SLC9A6: variants seen among roughly 807,000 people sequenced by gnomAD.
The protein encoded by SLC9A6 is solute carrier family 9 member A6.
SLC9A6 carries 6 observed loss-of-function variants against 45.3 expected under a neutral mutation model. The observed-to-expected ratio is 0.13, with a 90% CI of 0.07 to 0.26. The LOEUF (loss-of-function observed/expected upper bound fraction) is 0.26, where lower values mean the gene tolerates loss of function less well. SLC9A6 is among the 10% of genes least tolerant of loss of function. The probability of loss-of-function intolerance (pLI) is 1.00; values close to 1 mark genes in which losing one functional copy is unlikely to be tolerated. For synonymous variants in SLC9A6, 191 were observed against 187.7 expected, an observed-to-expected ratio of 1.02 and a Z score of -0.14; for missense variants, 278 against 503.7, an observed-to-expected ratio of 0.55 and a Z score of 4.29.
chrX:136,008,085 A>C (rs1290258319), intron 7 of SLC9A6, among the ~76,000 whole-genome samples: 1 of 112,222 alleles, frequency 8.9e-6, no homozygotes, highest in African/African-American at 3.2e-5. Context: ...AAATATATAA[A>C]AAGCAAGAAG....
chrX:135,977,455 C>T (rs373429786), intron 1 of SLC9A6, among the ~76,000 whole-genome samples: 1 of 112,051 alleles, frequency 8.9e-6, no homozygotes, highest in South Asian at 3.7e-4. Context: ...TGCTTATCCA[C>T]GTCTCCATTT....
intron 15 of SLC9A6, among the ~76,000 whole-genome samples, chrX:136,032,198 G>A (rs899529616): frequency 8.9e-6 from 1 of 112,276 alleles, no homozygotes; most frequent in Non-Finnish European, 1.9e-5. Flanking sequence ...CTTCCAGGTA[G>A]CTGAGACTAT....
chrX:136,008,017 A>G (rs2089683303), intron 7 of SLC9A6, among the ~76,000 whole-genome samples: 1 of 111,760 alleles, frequency 8.9e-6, no homozygotes, highest in South Asian at 3.7e-4. Context: ...AACATGTAAA[A>G]TGAGCCATAG....
At position 136,033,431 on chromosome X, in the gene SLC9A6, AAGG is replaced by A. The variant is rs1569525651; in HGVS notation, c.1602_1604del (p.Arg535del). On this transcript the variant is annotated inframe_deletion, in exon 16 of 18. Transcript: ENST00000630721. Reference sequence around the variant, plus strand: ...ATCTGCAGGGTGTTCCTGAAAATGAAAGGAGAACTACCAAAGCAGAGAGTGCTT... The same window carrying A: ...ATCTGCAGGGTGTTCCTGAAAATGAAAGAACTACCAAAGCAGAGAGTGCTT... 8.5e-7 allele frequency: 1 copy of A among 1,178,418 alleles called. No homozygotes were observed. Among genetic ancestry groups the A allele is most frequent in the Admixed American group, 2.2e-5 (1 of 45,404 alleles).
At position 136,033,510 on chromosome X, in the gene SLC9A6, G is replaced by GAA. The variant is rs376371956; in HGVS notation, c.1661+27_1661+28dup. The GAA allele has an allele frequency of 9.2e-5, 75 of 813,819 alleles. No individual in the cohort carries two copies. Among genetic ancestry groups the GAA allele is most frequent in the Non-Finnish European group, 9.8e-5 (57 of 584,029 alleles). The allele number at this position is 813,819 out of a possible 1,213,427, so 67.1% of individuals were successfully genotyped here. On this transcript the variant is annotated intron_variant, in intron 16 of 17. Coordinates refer to ENST00000630721, the MANE Select transcript of SLC9A6 (RefSeq NM_001379110.1). ...TGATCATAAGTATCCTTAATTGAGG[G>GAA]AAAAAAAAAAAGGATAATGTGGACA...
At chrX:136,039,241 G>T (rs1223913486) in intron 16 of SLC9A6, among the ~76,000 whole-genome samples, 1 of 107,513 alleles carries the variant, frequency 9.3e-6, no homozygotes, top group Non-Finnish European at 1.9e-5. Flanking sequence ...ATTGTGGCAC[G>T]TACCTGCTAT....
intron 16 of SLC9A6, 145 bp from the exon 17 acceptor site, chrX:136,039,931 T>C: frequency 1.9e-6 from 1 of 515,631 alleles, no homozygotes; most frequent in Non-Finnish European, 3.5e-6. Flanking sequence ...ACTGCCATCA[T>C]GTGAGGAGGA....
At chrX:136,017,961 C>T (rs782398575) in intron 11 of SLC9A6, among the ~76,000 whole-genome samples, 10 of 111,732 alleles carry the variant, frequency 8.9e-5, no homozygotes, top group South Asian at 3.7e-4. Context: ...CTATTCTTCA[C>T]GTGGATATCT....
chrX:136,044,574 T>A lies in SLC9A6; in HGVS notation c.1890T>A (p.Phe630Leu). 1 of 1,211,544 alleles carries A rather than the reference T, an allele frequency of 8.3e-7. No individual in the cohort carries two copies. Among genetic ancestry groups the A allele is most frequent in the Non-Finnish European group, 1.1e-6 (1 of 895,422 alleles). ...CCACATCCAGCGCCCCAAGGAGATT[T>A]ATGGGAAACAGTTCTGAAGATGCCT... ...EPATSSAPRR[F>L]MGNSSEDALD... The change falls in exon 18 of 18, where the codon TTT becomes TTA. Residue 630 changes from phenylalanine (F) to leucine (L), a missense_variant. Coordinates refer to ENST00000630721, the MANE Select transcript of SLC9A6 (RefSeq NM_001379110.1).
intron 1 of SLC9A6, among the ~76,000 whole-genome samples, chrX:135,975,673 G>C (rs1194553254): frequency 8.9e-6 from 1 of 112,037 alleles, no homozygotes; most frequent in Admixed American, 9.5e-5. Context: ...CTATTTGAAA[G>C]GATCTCTACA....
chrX:136,041,355 T>C (rs1352248097), intron 17 of SLC9A6, among the ~76,000 whole-genome samples: 1 of 111,032 alleles, frequency 9.0e-6, no homozygotes, highest in Non-Finnish European at 1.9e-5. Flanking sequence ...AACCAGATTG[T>C]ATAAGAAATG....
At chrX:135,992,970 A>T (rs1217989338) in intron 2 of SLC9A6, among the ~76,000 whole-genome samples, 1 of 112,080 alleles carries the variant, frequency 8.9e-6, no homozygotes, top group African/African-American at 3.2e-5. Flanking sequence ...CTGGCTAGTC[A>T]GAATGAAAGG....
intron 2 of SLC9A6, among the ~76,000 whole-genome samples, chrX:135,987,936 CTAT>C (rs1311041069): frequency 2.7e-5 from 3 of 110,862 alleles, no homozygotes; most frequent in Non-Finnish European, 5.7e-5. Context: ...GATAGCTGTG[CTAT>C]TATTATTATT....
chrX:136,005,912 G>T, intron 7 of SLC9A6, among the ~76,000 whole-genome samples: 1 of 111,663 alleles, frequency 9.0e-6, no homozygotes, highest in Middle Eastern at 4.7e-3. Flanking sequence ...GGATTCTGGT[G>T]GAGAAGGACT....
At chrX:136,022,051 A>G (rs782783276) in intron 11 of SLC9A6, among the ~76,000 whole-genome samples, 4 of 111,904 alleles carry the variant, frequency 3.6e-5, no homozygotes, top group Non-Finnish European at 5.6e-5. Flanking sequence ...AGTGGAGTAC[A>G]GTGGGACTGG....
At chrX:136,041,367 A>T (rs941552757) in intron 17 of SLC9A6, among the ~76,000 whole-genome samples, 1 of 111,334 alleles carries the variant, frequency 9.0e-6, no homozygotes, top group African/African-American at 3.3e-5. Flanking sequence ...TAAGAAATGG[A>T]CAGGAGAGAG....
rs782228345 is a variant in SLC9A6, at chrX:135,991,505, G to A, written c.170-3281G>A. ...ACTCTTGACCTCAAGTGATCCACCC[G>A]CCTCGGCCTCCCAAAGTGCTAGGAT... On this transcript the variant is annotated intron_variant, in intron 2 of 17. Coordinates refer to ENST00000630721, the MANE Select transcript of SLC9A6 (RefSeq NM_001379110.1). 1.0e-3 allele frequency among the ~76,000 whole-genome samples: 116 copies of A among 110,738 alleles called. 1 individual carries two copies. Among genetic ancestry groups the A allele is most frequent in the African/African-American group, 3.3e-3 (100 of 30,431 alleles).
chrX:135,999,456 G>A (rs1393160807), intron 6 of SLC9A6, among the ~76,000 whole-genome samples: 6 of 111,790 alleles, frequency 5.4e-5, no homozygotes, highest in Non-Finnish European at 1.1e-4. Flanking sequence ...TGCTAATACA[G>A]GTTTGATTTG....
intron 11 of SLC9A6, 53 bp downstream of exon 11, chrX:136,016,811 T>C: frequency 1.4e-6 from 1 of 709,338 alleles, no homozygotes; most frequent in South Asian, 2.4e-5. Flanking sequence ...GAGATTTTCA[T>C]GTGGGTTTTG....
Sources: allele counts gnomAD v4.1 joint callset (sites outside exome capture counted in the v4.1 genomes callset), GRCh38; gene constraint gnomAD v4.1.1; transcripts MANE v1.5; gene names NCBI Gene and HGNC (gene_info 2026-07-23, HGNC 2026-07-21).